The following LDAH variants were observed in gnomAD, a reference collection of about 807,000 sequenced individuals.
The protein encoded by LDAH is lipid droplet-associated hydrolase.
Under a neutral mutation model 29.6 loss-of-function variants are expected in LDAH, and 26 were observed. The ratio of observed to expected loss-of-function variants is 0.88; its 90% confidence interval spans 0.64 to 1.22. The LOEUF is 1.22. Ranked by LOEUF, LDAH falls within the 50% of genes most tolerant of loss-of-function variation. The probability of loss-of-function intolerance (pLI) is 0.00; values close to 1 mark genes in which losing one functional copy is unlikely to be tolerated. For missense variants in LDAH, 344 were observed against 387.3 expected (o/e 0.89, Z 0.94); for synonymous variants, 117 against 133.0 (o/e 0.88, Z 0.83).
intron 6 of LDAH, among the ~76,000 whole-genome samples, chr2:20,699,652 T>C (rs1359604488): frequency 6.6e-6 from 1 of 152,198 alleles, no homozygotes; most frequent in Non-Finnish European, 1.5e-5. Context: ...ATTCTAGAAG[T>C]ATATTTAATG....
chr2:20,716,643 G>C (rs1192878432), intron 5 of LDAH, among the ~76,000 whole-genome samples: 2 of 151,244 alleles, frequency 1.3e-5, no homozygotes, highest in Non-Finnish European at 3.0e-5. Flanking sequence ...GAGTTAATCA[G>C]TGCAGTAAAC....
chr2:20,747,836 A>G (rs2124879783), intron 4 of LDAH, among the ~76,000 whole-genome samples: 1 of 152,308 alleles, frequency 6.6e-6, no homozygotes, highest in South Asian at 2.1e-4. Flanking sequence ...TAATACACAT[A>G]AAAACCTTAT....
intron 4 of LDAH, among the ~76,000 whole-genome samples, chr2:20,771,233 C>T (rs1027745457): frequency 7.9e-5 from 12 of 152,034 alleles, no homozygotes; most frequent in South Asian, 4.2e-4. Flanking sequence ...GATTTAAGAC[C>T]AAGTTGCCTA....
chr2:20,803,988 A>G (rs1293300375), intron 1 of LDAH, among the ~76,000 whole-genome samples: 1 of 152,164 alleles, frequency 6.6e-6, no homozygotes, highest in Admixed American at 6.5e-5. Context: ...CATTATACAC[A>G]GCTCAAATTC....
rs186176409 is a variant in LDAH, at chr2:20,806,473, G to A, written c.-2-5008C>T. Among the ~76,000 whole-genome samples, 23 of 152,092 alleles carry A rather than the reference G, an allele frequency of 1.5e-4. No individual in the cohort carries two copies. The East Asian group carries it at 3.9e-3, about 26-fold the overall frequency. On this transcript the variant is annotated intron_variant, in intron 1 of 6. Coordinates refer to ENST00000237822, the MANE Select transcript of LDAH (RefSeq NM_021925.4). ...TCAAGTGCAGGTTTGACTTTTAAAG[G>A]CCCAGGGCAGAAAAACAAAATTTTT... is the stretch of plus-strand genomic sequence containing the variant.
intron 6 of LDAH, among the ~76,000 whole-genome samples, chr2:20,688,286 A>T (rs959186392): frequency 3.3e-5 from 5 of 152,194 alleles, no homozygotes; most frequent in African/African-American, 1.2e-4. Flanking sequence ...GAGAAGACCA[A>T]GCAAACCAAA....
intron 4 of LDAH, among the ~76,000 whole-genome samples, chr2:20,764,687 T>G (rs1668914992): frequency 6.6e-6 from 1 of 152,250 alleles, no homozygotes; most frequent in Non-Finnish European, 1.5e-5. Flanking sequence ...ATAGAAATCT[T>G]AAGTTTAGGC....
intron 5 of LDAH, among the ~76,000 whole-genome samples, chr2:20,716,896 A>C (rs957812521): frequency 1.3e-5 from 2 of 151,924 alleles, no homozygotes; most frequent in African/African-American, 4.8e-5. Flanking sequence ...CCTGGCTGAC[A>C]ACTTGATTTG....
At chr2:20,737,146 T>C (rs113933805) in intron 5 of LDAH, among the ~76,000 whole-genome samples, 4,773 of 152,200 alleles carry the variant, frequency 0.031, 249 homozygotes, top group African/African-American at 0.11. Flanking sequence ...ATCTAGGATA[T>C]ATGTGGTAAA....
intron 6 of LDAH, among the ~76,000 whole-genome samples, chr2:20,688,448 C>T (rs1342353054): frequency 6.6e-6 from 1 of 152,076 alleles, no homozygotes; most frequent in Non-Finnish European, 1.5e-5. Context: ...TCCCGAAGTC[C>T]ACAAGGCAAA....
chr2:20,801,541 A>C, intron 1 of LDAH, 76 bp from the exon 2 acceptor site: 2 of 1,264,528 alleles, frequency 1.6e-6, no homozygotes, highest in Non-Finnish European at 2.3e-6. Flanking sequence ...ATTCAAGAAT[A>C]AAAAAGGGCA....
intron 5 of LDAH, among the ~76,000 whole-genome samples, chr2:20,726,395 G>C (rs1666017018): frequency 6.6e-6 from 1 of 152,154 alleles, no homozygotes. Context: ...GGTTGAGGAC[G>C]AGCTGCAAGA....
chr2:20,704,695 TCTC>T (rs1401036486), intron 5 of LDAH, among the ~76,000 whole-genome samples: 1 of 152,178 alleles, frequency 6.6e-6, no homozygotes, highest in Non-Finnish European at 1.5e-5. Flanking sequence ...TGTCCTTTCT[TCTC>T]CTCTCACTTC....
intron 3 of LDAH, among the ~76,000 whole-genome samples, chr2:20,779,637 C>CA (rs1448211836): frequency 6.6e-6 from 1 of 151,678 alleles, no homozygotes; most frequent in African/African-American, 2.4e-5. Context: ...AGATGGGATA[C>CA]AAAAAACAAA....
chr2:20,801,402 G>C lies in LDAH; in HGVS notation c.62C>G (p.Ala21Gly). The change falls in exon 2 of 7, where the codon GCC becomes GGC. Residue 21 changes from alanine (A) to glycine (G), a missense_variant. Ala to Gly is a moderately conservative substitution (Grantham distance 60). Coordinates refer to ENST00000237822, the MANE Select transcript of LDAH (RefSeq NM_021925.4). ...VHEEFILCGGAETQVLKCGPW... is the reference protein window; with the variant it reads ...VHEEFILCGGGETQVLKCGPW... ...CCCACATTTTAGAACCTGGGTTTCG[G>C]CTCCACCACACAAAATGAATTCCTC... 6.2e-7 allele frequency: 1 copy of C among 1,614,078 alleles called. No individual in the cohort carries two copies. The highest frequency in any genetic ancestry group is 8.5e-7 in the Non-Finnish European group (1 of 1,179,962).
chr2:20,725,440 C>A (rs1297760916), intron 5 of LDAH, among the ~76,000 whole-genome samples: 2 of 152,192 alleles, frequency 1.3e-5, no homozygotes, highest in Non-Finnish European at 2.9e-5. Context: ...CCAAGGGTTA[C>A]AACGCCTGAA....
At chr2:20,796,997 A>G (rs1441614758) in intron 2 of LDAH, among the ~76,000 whole-genome samples, 2 of 152,158 alleles carry the variant, frequency 1.3e-5, no homozygotes, top group East Asian at 3.8e-4. Context: ...CGAGTTTAAG[A>G]TAATGTTTCT....
intron 4 of LDAH, among the ~76,000 whole-genome samples, chr2:20,762,749 T>C (rs1668777301): frequency 6.6e-6 from 1 of 152,234 alleles, no homozygotes; most frequent in Non-Finnish European, 1.5e-5. Flanking sequence ...TTTTTATGAA[T>C]TTCTACAAAT....
intron 5 of LDAH, among the ~76,000 whole-genome samples, chr2:20,719,240 T>TTTTTTA (rs1553338633): frequency 6.7e-6 from 1 of 148,592 alleles, no homozygotes; most frequent in Non-Finnish European, 1.5e-5. Flanking sequence ...TTTTTTTTTT[T>TTTTTTA]AAAGATAGAC....
Sources: allele counts gnomAD v4.1 joint callset (sites outside exome capture counted in the v4.1 genomes callset), GRCh38; gene constraint gnomAD v4.1.1; transcripts MANE v1.5; gene names NCBI Gene and HGNC (gene_info 2026-07-23, HGNC 2026-07-21).